Variants in SLC4A4 observed in about 807,000 individuals in gnomAD.
SLC4A4 encodes electrogenic sodium bicarbonate cotransporter 1.
In SLC4A4, 27 loss-of-function variants were observed where a neutral mutation model predicts 111.5. The observed-to-expected ratio is 0.24, with a 90% CI of 0.18 to 0.33. The LOEUF (loss-of-function observed/expected upper bound fraction) is 0.33. Ranked by LOEUF, SLC4A4 falls within the 10% of genes least tolerant of loss-of-function variation. SLC4A4 has a pLI of 1.00. For missense variants in SLC4A4, 909 were observed against 1,315.5 expected, an observed-to-expected ratio of 0.69 and a Z score of 4.78; for synonymous variants, 443 against 463.4, an observed-to-expected ratio of 0.96 and a Z score of 0.57.
At chr4:71,145,862 C>T (rs1325086269) in intron 2 of SLC4A4, among the ~76,000 whole-genome samples, 8 of 152,054 alleles carry the variant, frequency 5.3e-5, no homozygotes, top group South Asian at 2.1e-4. Flanking sequence ...GCCTTGCTAG[C>T]GGTCTATCAA....
intron 1 of SLC4A4, among the ~76,000 whole-genome samples, chr4:71,224,137 C>G (rs1353718706): frequency 6.6e-6 from 1 of 152,054 alleles, no homozygotes; most frequent in Non-Finnish European, 1.5e-5. Context: ...TAGCCGTTCC[C>G]TAAGTCCCGT....
chr4:71,513,796 G>A (rs548936833), intron 16 of SLC4A4, among the ~76,000 whole-genome samples: 50 of 152,118 alleles, frequency 3.3e-4, no homozygotes, highest in African/African-American at 1.1e-3. Context: ...TTTGAGGTAG[G>A]TATGTTCCTT....
At chr4:71,143,529 C>T (rs1744070673) in intron 2 of SLC4A4, among the ~76,000 whole-genome samples, 1 of 152,222 alleles carries the variant, frequency 6.6e-6, no homozygotes. Context: ...ACCACACCGA[C>T]TTCCACAATG....
chr4:71,284,388 C>G (rs1723748072), intron 3 of SLC4A4, among the ~76,000 whole-genome samples: 1 of 152,190 alleles, frequency 6.6e-6, no homozygotes, highest in Non-Finnish European at 1.5e-5. Context: ...GTGGTCCGTT[C>G]CATGTGTGGA....
chr4:71,268,549 G>A (rs1021627964), intron 3 of SLC4A4, among the ~76,000 whole-genome samples: 2 of 152,312 alleles, frequency 1.3e-5, no homozygotes, highest in East Asian at 3.9e-4. Context: ...GATGCAAAGG[G>A]AGATTTTCTT....
In SLC4A4 at chr4:71,381,210, A is replaced by G. The variant is rs145057857; in HGVS notation, c.731-16367A>G. On this transcript the variant is annotated intron_variant, in intron 6 of 25. Transcript: ENST00000264485. The stretch of plus-strand genomic sequence containing the variant: ...CAGGATCAATTCAACTATAATGACA[A>G]GCTTTTCCATCTGTAAATGTCTTGC... Among the ~76,000 whole-genome samples, 373 of 152,332 alleles carry G rather than the reference A, an allele frequency of 2.4e-3. 1 individual carries two copies. Among genetic ancestry groups the G allele is most frequent in the African/African-American group, 8.3e-3 (345 of 41,576 alleles).
chr4:71,143,245 A>G (rs1420546318), intron 2 of SLC4A4, among the ~76,000 whole-genome samples: 6 of 152,222 alleles, frequency 3.9e-5, no homozygotes, highest in Admixed American at 1.3e-4. Flanking sequence ...GATGGTTTCC[A>G]GCTTCATCCA....
chr4:71,508,897 T>G (rs534225619), intron 16 of SLC4A4, among the ~76,000 whole-genome samples: 1 of 152,130 alleles, frequency 6.6e-6, no homozygotes, highest in Non-Finnish European at 1.5e-5. Context: ...ACGTCCAGCT[T>G]ATCCACCACG....
intron 3 of SLC4A4, among the ~76,000 whole-genome samples, chr4:71,308,825 G>C (rs72650329): frequency 6.6e-6 from 1 of 151,866 alleles, no homozygotes; most frequent in African/African-American, 2.4e-5. Context: ...TGTTTTTTTC[G>C]TACCCCAGTA....
intron 25 of SLC4A4, 104 bp from the exon 26 acceptor site, chr4:71,567,684 G>C (rs1737611716): frequency 7.1e-6 from 4 of 563,942 alleles, no homozygotes; most frequent in African/African-American, 3.9e-5. Context: ...TATTAAAAGA[G>C]AACAAAGAAG....
At chr4:71,248,328 T>C (rs1720827988) in intron 2 of SLC4A4, among the ~76,000 whole-genome samples, 1 of 152,026 alleles carries the variant, frequency 6.6e-6, no homozygotes, top group Admixed American at 6.6e-5. Context: ...AGTGGGAGAC[T>C]ATGTTTAATT....
chr4:71,449,119 C>T (rs894111507), intron 9 of SLC4A4, among the ~76,000 whole-genome samples: 5 of 152,054 alleles, frequency 3.3e-5, no homozygotes, highest in African/African-American at 1.2e-4. Context: ...TTTAACATAA[C>T]GGCTTAATGA....
chr4:71,446,744 C>A (rs937936850), intron 8 of SLC4A4, among the ~76,000 whole-genome samples: 2 of 152,208 alleles, frequency 1.3e-5, no homozygotes, highest in East Asian at 3.9e-4. Context: ...CTCATTATCT[C>A]CCCGTTAGGT....
In SLC4A4 at chr4:71,423,146, G is replaced by C. The variant is rs1451901635; in HGVS notation, c.808-17470G>C. On this transcript the variant is annotated intron_variant, in intron 7 of 25. Transcript: ENST00000264485. ...ATAAGCAACTTCAGCAAAGTCTCAG[G>C]ATACAAAGTCAATGTACAAAAATCA... 2.0e-5 allele frequency among the ~76,000 whole-genome samples: 3 copies of C among 152,136 alleles called. No individual in the cohort carries two copies. The East Asian group carries it at 5.8e-4, about 29-fold the overall frequency.
intron 7 of SLC4A4, among the ~76,000 whole-genome samples, chr4:71,433,698 A>G (rs1484479356): frequency 6.6e-6 from 1 of 152,132 alleles, no homozygotes; most frequent in Non-Finnish European, 1.5e-5. Flanking sequence ...TTAGTCATGA[A>G]GTCTTTAGCT....
intron 16 of SLC4A4, among the ~76,000 whole-genome samples, chr4:71,506,093 C>A (rs183470396): frequency 2.6e-5 from 4 of 152,016 alleles, no homozygotes; most frequent in African/African-American, 7.2e-5. Context: ...GTTTCTGTAG[C>A]CCTGTAGTTT....
At chr4:71,544,141 G>A (rs377175975) in intron 18 of SLC4A4, among the ~76,000 whole-genome samples, 1 of 152,126 alleles carries the variant, frequency 6.6e-6, no homozygotes, top group African/African-American at 2.4e-5. Flanking sequence ...TGTTGTGATA[G>A]AGGAAGTCAT....
intron 8 of SLC4A4, among the ~76,000 whole-genome samples, chr4:71,444,656 A>G (rs536390381): frequency 6.6e-6 from 1 of 152,366 alleles, no homozygotes; most frequent in African/African-American, 2.4e-5. Flanking sequence ...ATGTACTTCA[A>G]TCATAAAAGT....
chr4:71,454,168 T>C (rs1167229849), intron 12 of SLC4A4, among the ~76,000 whole-genome samples: 1 of 152,200 alleles, frequency 6.6e-6, no homozygotes, highest in Non-Finnish European at 1.5e-5. Context: ...CTAACAGTTA[T>C]ATCTCCTGCA....
Sources: gnomAD v4.1 joint callset for allele counts (sites outside exome capture counted in the v4.1 genomes callset) on GRCh38, gnomAD v4.1.1 for gene constraint, MANE v1.5 for transcripts, NCBI Gene and HGNC (gene_info 2026-07-23, HGNC 2026-07-21) for gene names.